MTERF2: variants seen among roughly 807,000 people sequenced by gnomAD.
MTERF2 encodes mitochondrial transcription termination factor 2, also known as transcription termination factor 2, mitochondrial.
MTERF2 carries 23 observed loss-of-function variants against 29.2 expected under a neutral mutation model. The ratio of observed to expected loss-of-function variants is 0.79; its 90% CI spans 0.57 to 1.12. MTERF2 has a LOEUF of 1.12. Ranked by LOEUF, MTERF2 falls within the 50% of genes most tolerant of loss-of-function variation. MTERF2 has a pLI of 0.00. For missense variants in MTERF2, 440 were observed against 429.4 expected, an observed-to-expected ratio of 1.02 and a Z score of -0.22; for synonymous variants, 157 against 159.5, an observed-to-expected ratio of 0.98 and a Z score of 0.12.
rs1427632698 is a variant in MTERF2 at position 106,982,950 on chromosome 12, A to G, written c.-58+2165T>C. Among the ~76,000 whole-genome samples, 4 of 152,240 alleles carry G rather than the reference A, an allele frequency of 2.6e-5. No homozygotes were observed. The South Asian group carries it at 6.2e-4, about 24-fold the overall frequency. On this transcript the variant is annotated intron_variant, in intron 2 of 2. Transcript: ENST00000240050. ...TATTATTTATAAGGGTGATGTTTTCATAATTAAACTATTTCGTTCATCTTT... is the reference window on the plus strand; with the variant it reads ...TATTATTTATAAGGGTGATGTTTTCGTAATTAAACTATTTCGTTCATCTTT...
At chr12:106,980,785 G>A (rs1382844682) in intron 2 of MTERF2, 3 of 151,998 alleles carry the variant, frequency 2.0e-5, no homozygotes, top group Non-Finnish European at 2.9e-5. Context: ...GGTATGCTGG[G>A]GACTCTTCAC....
chr12:106,980,396 A>G (rs939314488), intron 2 of MTERF2, among the ~76,000 whole-genome samples: 2 of 152,200 alleles, frequency 1.3e-5, no homozygotes, highest in Non-Finnish European at 2.9e-5. Flanking sequence ...TTTGGTATCA[A>G]TTTCTCATCC....
At chr12:106,986,723 T>C (rs1426308455) in intron 1 of MTERF2, 1 of 152,312 alleles carries the variant, frequency 6.6e-6, no homozygotes, top group Non-Finnish European at 1.5e-5. Flanking sequence ...TCTTCTTTCG[T>C]AACACATATG....
chr12:106,978,786 A>C lies in MTERF2; in HGVS notation c.-57-15T>G. On this transcript the variant is annotated splice_polypyrimidine_tract_variant and intron_variant, in intron 2 of 2. Coordinates refer to ENST00000240050, the MANE Select transcript of MTERF2 (RefSeq NM_001033050.3). ...ACTCATTCTATCTGAAAAAAAGAAAATAAAGGTTTTTAGTATAAGGGTGTT... is the reference window on the plus strand; with the variant it reads ...ACTCATTCTATCTGAAAAAAAGAAACTAAAGGTTTTTAGTATAAGGGTGTT... The C allele has an allele frequency of 7.0e-7, 1 of 1,426,046 alleles. No homozygotes were observed. 88.3% of individuals were successfully genotyped at this position (1,426,046 alleles called of 1,614,324 possible). A position where few individuals can be genotyped will look rare whatever the true frequency, so the allele number is the denominator to read the frequency against.
Position 106,978,417 on chromosome 12 carries a change from G to A in MTERF2, c.298C>T (p.Arg100Cys), listed in dbSNP as rs1404457561. ...DETAVASILERCPEAIVCSPT... is the reference protein window; with the variant it reads ...DETAVASILECCPEAIVCSPT... ...CTACAGACAATTGCTTCCGGGCAGC[G>A]TTCCAAAATACTGGCTACAGCAGTC... The change falls in exon 3 of 3, where the codon CGC (arginine) becomes TGC (cysteine). Residue 100 changes from arginine to cysteine, a missense_variant. Transcript: ENST00000240050. The A allele has an allele frequency of 4.3e-6, 7 of 1,614,090 alleles. No individual in the cohort carries two copies. Among genetic ancestry groups the A allele is most frequent in the African/African-American group, 2.7e-5 (2 of 74,928 alleles).
chr12:106,981,497 A>G (rs1457783615), intron 2 of MTERF2, among the ~76,000 whole-genome samples: 6 of 152,072 alleles, frequency 3.9e-5, no homozygotes, highest in Admixed American at 3.3e-4. Flanking sequence ...AGAACTGAAA[A>G]CCAAAAAGTT....
Position 106,978,324 on chromosome 12 carries a change from T to C in MTERF2, c.391A>G (p.Lys131Glu), listed in dbSNP as rs775950901. 8 of 1,614,192 alleles carry C rather than the reference T, an allele frequency of 5.0e-6. No homozygotes were observed. The South Asian group carries it at 6.6e-5, about 13-fold the overall frequency. Residue 131 changes from lysine to glutamate, a missense_variant, in exon 3 of 3, where the codon AAG (lysine) becomes GAG (glutamate). Lys to Glu is a moderately conservative substitution (Grantham distance 56, BLOSUM62 1). Transcript: ENST00000240050. ...LVCKNEEELI[K>E]LIEQFPESFF... is the part of the protein sequence containing the mutation. Reference sequence around the variant, plus strand: ...GATTCTGGAAACTGCTCTATTAACTTGATTAACTCTTCCTCATTTTTGCAG... The same window carrying C: ...GATTCTGGAAACTGCTCTATTAACTCGATTAACTCTTCCTCATTTTTGCAG...
chr12:106,980,087 G>A (rs1417659132), intron 2 of MTERF2, among the ~76,000 whole-genome samples: 3 of 151,972 alleles, frequency 2.0e-5, no homozygotes, highest in Non-Finnish European at 2.9e-5. Context: ...TAGTAGAGAC[G>A]AGGTTTCACC....
intron 2 of MTERF2, among the ~76,000 whole-genome samples, chr12:106,983,021 C>T (rs1461009341): frequency 6.6e-6 from 1 of 152,114 alleles, no homozygotes; most frequent in African/African-American, 2.4e-5. Flanking sequence ...AAACTGCAAT[C>T]GTTCTGCTTT....
chr12:106,985,429 T>C (rs1285230888), intron 1 of MTERF2: 1 of 152,258 alleles, frequency 6.6e-6, no homozygotes, highest in African/African-American at 2.4e-5. Flanking sequence ...CCAGATTCCA[T>C]GCCCAAAATG....
intron 1 of MTERF2, chr12:106,985,664 C>T (rs1356243259): frequency 6.6e-6 from 1 of 152,296 alleles, no homozygotes; most frequent in Non-Finnish European, 1.5e-5. Flanking sequence ...CCCTATCCTT[C>T]ACCCAGCTGC....
At position 106,987,102 on chromosome 12, in the gene MTERF2, A is replaced by G. The variant is rs1005839504; in HGVS notation, c.-302T>C. 2.6e-5 allele frequency: 4 copies of G among 152,452 alleles called. No individual in the cohort carries two copies. The highest frequency in any genetic ancestry group is 1.3e-4 in the Admixed American group (2 of 15,286). The allele number at this position is 152,452 out of a possible 1,614,324, so 9.4% of individuals were successfully genotyped here. ...AGCCGGGATTTCGGTCCTCGGTCTC[A>G]AGAAGCTCCCGACAGTTCTCAGCAG... On this transcript the variant is annotated 5_prime_UTR_variant, in exon 1 of 3. Transcript: ENST00000240050.
intron 2 of MTERF2, among the ~76,000 whole-genome samples, chr12:106,981,257 C>G (rs1339320184): frequency 6.6e-6 from 1 of 152,190 alleles, no homozygotes; most frequent in Non-Finnish European, 1.5e-5. Flanking sequence ...GAAAACAAGA[C>G]AGCAGTGATT....
Position 106,978,236 on chromosome 12 carries a change from C to A in MTERF2, c.479G>T (p.Gly160Val), listed in dbSNP as rs763017742. 8 of 1,613,618 alleles carry A rather than the reference C, an allele frequency of 5.0e-6. No individual in the cohort carries two copies. Among genetic ancestry groups the A allele is most frequent in the Non-Finnish European group, 6.8e-6 (8 of 1,179,974 alleles). The change falls in exon 3 of 3, where the codon GGA becomes GTA. Residue 160 changes from glycine (G) to valine (V), a missense_variant. By Grantham distance (109) the Gly-to-Val change is moderately radical. Transcript: ENST00000240050. ...KLNVQFFQEL[G>V]LKNVVISRLL... ...TCTGCTAATGACCACATTTTTTAGT[C>A]CCAACTCTTGAAAGAACTGAACATT... is the stretch of plus-strand genomic sequence containing the variant.
chr12:106,980,678 T>C (rs1227790923), intron 2 of MTERF2: 2 of 152,198 alleles, frequency 1.3e-5, no homozygotes, highest in East Asian at 1.9e-4. Flanking sequence ...CGGCTCAATT[T>C]AGCCTGTTGG....
intron 1 of MTERF2, 181 bp downstream of exon 1, chr12:106,986,788 C>T (rs1269531705): frequency 6.6e-6 from 1 of 152,238 alleles, no homozygotes; most frequent in African/African-American, 2.4e-5. Context: ...AAACGAGGGT[C>T]CACGGAAGAT....
chr12:106,978,711 A>G lies in MTERF2; in HGVS notation c.4T>C (p.Leu2=). M[L]WKLLLRSQSC... ...TGGGATCTCAGCAGCAGCTTCCACA[A>G]CATGGCTGCAATCTACTAGCTAGTT... Residue 2 remains leucine, a synonymous_variant, in exon 3 of 3, where the codon TTG becomes CTG. Coordinates refer to ENST00000240050, the MANE Select transcript of MTERF2 (RefSeq NM_001033050.3). The G allele has an allele frequency of 6.2e-7, 1 of 1,612,014 alleles. No homozygotes were observed. Among genetic ancestry groups the G allele is most frequent in the Non-Finnish European group, 8.5e-7 (1 of 1,179,046 alleles).
chr12:106,978,475 A>T lies in MTERF2; in HGVS notation c.240T>A (p.Ile80=), dbSNP rs750649315. ...LLEDETYVEE[I]ANILQELGAD... is the part of the protein sequence containing the mutation. The stretch of plus-strand genomic sequence containing the variant: ...CACCTAGTTCTTGTAAAATATTCGC[A>T]ATTTCTTCAACATAGGTTTCATCCT... The change falls in exon 3 of 3, where the codon ATT becomes ATA. Residue 80 remains isoleucine, a synonymous_variant. Transcript: ENST00000240050. 2.5e-6 allele frequency: 4 copies of T among 1,614,076 alleles called. No homozygotes were observed. In the African/African-American group the frequency reaches 4.0e-5, roughly 16 times the overall value.
At position 106,978,260 on chromosome 12, in the gene MTERF2, T is replaced by C. The variant is rs1212842348; in HGVS notation, c.455A>G (p.Asn152Ser). 2 of 1,614,066 alleles carry C rather than the reference T, an allele frequency of 1.2e-6. No individual in the cohort carries two copies. The highest frequency in any genetic ancestry group is 1.7e-6 in the Non-Finnish European group (2 of 1,180,026). The stretch of plus-strand genomic sequence containing the variant: ...TCCCAACTCTTGAAAGAACTGAACA[T>C]TCAGCTTCTGGTTCTCTTGGTCTTT... ...TIKDQENQKL[N>S]VQFFQELGLK... Residue 152 changes from asparagine to serine, a missense_variant, in exon 3 of 3, where the codon AAT (asparagine) becomes AGT (serine). Physicochemically the swap from Asn to Ser is conservative, Grantham distance 46. Transcript: ENST00000240050.
Sources: gnomAD v4.1 joint callset for allele counts (sites outside exome capture counted in the v4.1 genomes callset) on GRCh38, gnomAD v4.1.1 for gene constraint, MANE v1.5 for transcripts, NCBI Gene and HGNC (gene_info 2026-07-23, HGNC 2026-07-21) for gene names.